The following SLC22A25 variants were observed in gnomAD, a reference collection of about 807,000 sequenced individuals.
SLC22A25 encodes the protein solute carrier family 22 member 25.
A neutral mutation model predicts 45.9 loss-of-function variants in SLC22A25; 44 were observed. The ratio of observed to expected loss-of-function variants is 0.96; its 90% CI spans 0.75 to 1.23. The LOEUF is 1.23. Among genes scored for constraint, SLC22A25 ranks in the 50% most tolerant of loss-of-function variants. The pLI is 0.00. For synonymous variants in SLC22A25, 283 were observed against 238.6 expected, an observed-to-expected ratio of 1.19 and a Z score of -1.72; for missense variants, 800 against 666.4, an observed-to-expected ratio of 1.20 and a Z score of -2.21.
intron 9 of SLC22A25, 109 bp from the exon 10 acceptor site, chr11:63,166,367 A>G: frequency 6.8e-7 from 1 of 1,473,282 alleles, no homozygotes; most frequent in African/African-American, 1.4e-5. Flanking sequence ...GTAAAAAGGC[A>G]GAGTGTGTTT....
chr11:63,229,493 G>C lies in SLC22A25; in HGVS notation c.160C>G (p.Leu54Val), dbSNP rs753160640. ...ILDHRCWVHI[L>V]DNDTIPDNDP... Reference sequence around the variant, plus strand: ...TTGTCAGGGATAGTGTCATTGTCCAGTATATGAACCCAGCAGCGATGATCA... The same window carrying C: ...TTGTCAGGGATAGTGTCATTGTCCACTATATGAACCCAGCAGCGATGATCA... Residue 54 changes from leucine to valine, a missense_variant, in exon 4 of 12, where the codon CTG (leucine) becomes GTG (valine). Coordinates refer to ENST00000306494, the MANE Select transcript of SLC22A25 (RefSeq NM_199352.6). 16 of 1,614,158 alleles carry C rather than the reference G, an allele frequency of 9.9e-6. No individual in the cohort carries two copies. Among genetic ancestry groups the C allele is most frequent in the Middle Eastern group, 1.6e-4 (1 of 6,062 alleles).
rs368572284 is a variant in SLC22A25, at chr11:63,200,576, C to T, written c.830+16738G>A. ...ATACTGAATGGGCAAAAGCTGGAAG[C>T]TTTCCACTTGAAAACTGGCACAAGA... is the stretch of plus-strand genomic sequence containing the variant. On this transcript the variant is annotated intron_variant, in intron 7 of 11. Transcript: ENST00000306494. Among the ~76,000 whole-genome samples, 628 of 152,146 alleles carry T rather than the reference C, an allele frequency of 4.1e-3. 6 individuals are homozygous for T. Among genetic ancestry groups the T allele is most frequent in the African/African-American group, 0.014 (571 of 41,500 alleles).
chr11:63,217,746 G>C lies in SLC22A25; in HGVS notation c.507-11C>G, dbSNP rs779835695. On this transcript the variant is annotated splice_polypyrimidine_tract_variant and intron_variant, in intron 5 of 11. Transcript: ENST00000306494. ...AACTTTCTCCCAAACCTGAGAAACA[G>C]GGGCACATTAGATAATGGGAACAAT... 8 of 1,595,968 alleles carry C rather than the reference G, an allele frequency of 5.0e-6. No individual in the cohort carries two copies. Among genetic ancestry groups the C allele is most frequent in the African/African-American group, 2.7e-5 (2 of 73,940 alleles).
At chr11:63,197,833 A>T (rs1011912709) in intron 7 of SLC22A25, among the ~76,000 whole-genome samples, 1 of 150,080 alleles carries the variant, frequency 6.7e-6, no homozygotes, top group Non-Finnish European at 1.5e-5. Flanking sequence ...CATCTCACAA[A>T]GGGCTAATAT....
chr11:63,237,291 A>G (rs1193896), intron 3 of SLC22A25, among the ~76,000 whole-genome samples: 77,840 of 151,984 alleles, frequency 0.51, 20,862 homozygotes, highest in African/African-American at 0.67. Flanking sequence ...ACCTGCACAT[A>G]TACCCTCTGT....
At chr11:63,175,191 A>G (rs2088041681) in intron 9 of SLC22A25, among the ~76,000 whole-genome samples, 3 of 152,276 alleles carry the variant, frequency 2.0e-5, no homozygotes, top group African/African-American at 7.2e-5. Context: ...ACTGCTTTCC[A>G]TAGGGGCTAT....
chr11:63,214,935 G>A (rs1287264482), intron 7 of SLC22A25, among the ~76,000 whole-genome samples: 2 of 152,160 alleles, frequency 1.3e-5, no homozygotes, highest in African/African-American at 4.8e-5. Context: ...GGAAACAACA[G>A]ATGCTGGAGA....
intron 5 of SLC22A25, chr11:63,220,042 C>T (rs763385256): frequency 5.9e-5 from 76 of 1,283,508 alleles, no homozygotes; most frequent in Non-Finnish European, 6.9e-5. Context: ...AGAAGACATA[C>T]GGTAAGTTAG....
chr11:63,204,889 A>T (rs1220834320), intron 7 of SLC22A25, among the ~76,000 whole-genome samples: 3 of 152,214 alleles, frequency 2.0e-5, no homozygotes, highest in African/African-American at 7.2e-5. Flanking sequence ...CCCTTACTCT[A>T]AAATAGACCA....
chr11:63,174,438 G>A (rs1305522834), intron 9 of SLC22A25, among the ~76,000 whole-genome samples: 1 of 152,058 alleles, frequency 6.6e-6, no homozygotes, highest in Non-Finnish European at 1.5e-5. Flanking sequence ...CTATTTTCCT[G>A]TGTGACTACC....
At chr11:63,188,656 C>A (rs561524582) in intron 7 of SLC22A25, among the ~76,000 whole-genome samples, 3 of 152,188 alleles carry the variant, frequency 2.0e-5, no homozygotes, top group African/African-American at 4.8e-5. Context: ...AATTTTGGAT[C>A]TTTCCTGCTT....
chr11:63,217,177 T>C (rs1050288780), intron 7 of SLC22A25, 137 bp downstream of exon 7: 3 of 900,054 alleles, frequency 3.3e-6, no homozygotes, highest in East Asian at 5.5e-5. Context: ...GTTTTGCTTC[T>C]TGAATTGCAT....
chr11:63,235,288 A>G (rs2090144349), intron 3 of SLC22A25, among the ~76,000 whole-genome samples: 1 of 152,120 alleles, frequency 6.6e-6, no homozygotes, highest in Admixed American at 6.6e-5. Flanking sequence ...CACCAGTTAG[A>G]CGTAGATTTG....
At chr11:63,242,063 C>A (rs1301100555) in intron 1 of SLC22A25, among the ~76,000 whole-genome samples, 2 of 152,068 alleles carry the variant, frequency 1.3e-5, no homozygotes, top group African/African-American at 2.4e-5. Flanking sequence ...TCTAATGGAG[C>A]AGATTCCAGT....
At chr11:63,197,139 C>T (rs559144401) in intron 7 of SLC22A25, among the ~76,000 whole-genome samples, 3 of 152,186 alleles carry the variant, frequency 2.0e-5, no homozygotes, top group South Asian at 2.1e-4. Flanking sequence ...TTCCATGCTT[C>T]TGGATAGGAA....
rs753113961 is a variant in SLC22A25, at chr11:63,217,324, G to T, written c.820C>A (p.Leu274Met). 1 of 1,613,548 alleles carries T rather than the reference G, an allele frequency of 6.2e-7. No individual in the cohort carries two copies. Among genetic ancestry groups the T allele is most frequent in the Non-Finnish European group, 8.5e-7 (1 of 1,179,864 alleles). ...VMSAPCFVFF[L>M]FSRWLAESAR... ...ATGCAAGCTCAATACCTTGAGAACA[G>T]AAAGAAGACAAAGCATGGTGCAGAC... Residue 274 changes from leucine to methionine, a missense_variant, in exon 7 of 12, where the codon CTG becomes ATG. Leu to Met is a conservative substitution (Grantham distance 15, BLOSUM62 2). Coordinates refer to ENST00000306494, the MANE Select transcript of SLC22A25 (RefSeq NM_199352.6).
At chr11:63,217,863 G>T in intron 5 of SLC22A25, 128 bp from the exon 6 acceptor site, 1 of 1,118,518 alleles carries the variant, frequency 8.9e-7, no homozygotes, top group African/African-American at 1.6e-5. Flanking sequence ...AAACGTTAAA[G>T]AATCAACAGT....
At chr11:63,185,480 T>A (rs931732786) in intron 7 of SLC22A25, among the ~76,000 whole-genome samples, 13 of 152,210 alleles carry the variant, frequency 8.5e-5, no homozygotes, top group Middle Eastern at 3.4e-3. Flanking sequence ...TCCTTTTTTA[T>A]GGCTGCATAG....
rs527871577 is a variant in SLC22A25, at chr11:63,232,004, G to A, written c.-444-1908C>T. Among the ~76,000 whole-genome samples the A allele has an allele frequency of 1.6e-3, 240 of 152,224 alleles. 2 individuals carry two copies. The highest frequency in any genetic ancestry group is 4.9e-3 in the African/African-American group (205 of 41,522). Reference sequence around the variant, plus strand: ...TCCGTTGGTCTATATCTCTGTTTTGGTACCAGTACCATGCTGTTTTGGTTA... The same window carrying A: ...TCCGTTGGTCTATATCTCTGTTTTGATACCAGTACCATGCTGTTTTGGTTA... On this transcript the variant is annotated intron_variant, in intron 3 of 11. Coordinates refer to ENST00000306494, the MANE Select transcript of SLC22A25 (RefSeq NM_199352.6).
Sources: gnomAD v4.1 joint callset for allele counts (sites outside exome capture counted in the v4.1 genomes callset) on GRCh38, gnomAD v4.1.1 for gene constraint, MANE v1.5 for transcripts, NCBI Gene and HGNC (gene_info 2026-07-23, HGNC 2026-07-21) for gene names.